RHOBTB2: variants seen among roughly 807,000 people sequenced by gnomAD.
RHOBTB2 encodes the protein rho-related BTB domain-containing protein 2.
Under a neutral mutation model 66.5 loss-of-function variants are expected in RHOBTB2, and 39 were observed. The observed-to-expected ratio is 0.59, with a 90% CI of 0.45 to 0.77. The LOEUF is 0.77. Among genes scored for constraint, RHOBTB2 ranks in the 30% least tolerant of loss-of-function variants. RHOBTB2 has a pLI of 0.00. For missense variants in RHOBTB2, 755 were observed against 999.1 expected (o/e 0.76, Z 3.29); for synonymous variants, 390 against 395.0 (o/e 0.99, Z 0.15).
intron 1 of RHOBTB2, among the ~76,000 whole-genome samples, chr8:23,003,700 C>G (rs1258296345): frequency 2.6e-5 from 4 of 152,204 alleles, no homozygotes; most frequent in Non-Finnish European, 5.9e-5. Context: ...TGTAGCTGAG[C>G]ATGACACATG....
In RHOBTB2 at chr8:22,989,865, C is replaced by T. The variant is rs368156168; in HGVS notation, c.-136-2203C>T. On this transcript the variant is annotated intron_variant, in intron 1 of 11. Transcript: ENST00000519685. ...TCTCCCCAAGAGGCTCTGAGCCAGACGCCTGATGAGAACCCTCATCCTGCC... is the reference window on the plus strand; with the variant it reads ...TCTCCCCAAGAGGCTCTGAGCCAGATGCCTGATGAGAACCCTCATCCTGCC... 1.6e-3 allele frequency among the ~76,000 whole-genome samples: 249 copies of T among 152,316 alleles called. 1 individual carries two copies. The highest frequency in any genetic ancestry group is 5.5e-3 in the African/African-American group (229 of 41,556).
the RHOBTB2 span, among the ~76,000 whole-genome samples, chr8:22,964,966 A>AC: frequency 3.3e-5 from 5 of 151,836 alleles, no homozygotes; most frequent in African/African-American, 1.2e-4. Flanking sequence ...ACAGGCGCCC[A>AC]CCACCACGCC....
chr8:23,008,805 T>C (rs980180212), intron 6 of RHOBTB2, among the ~76,000 whole-genome samples: 3 of 152,090 alleles, frequency 2.0e-5, no homozygotes, highest in African/African-American at 7.2e-5. Context: ...GGATGCTGTC[T>C]CTAGTTGTCT....
chr8:22,976,263 A>G, the RHOBTB2 span, among the ~76,000 whole-genome samples: 2 of 152,202 alleles, frequency 1.3e-5, no homozygotes, highest in Non-Finnish European at 2.9e-5. Context: ...AAATTATGAG[A>G]CCACCTCAGG....
chr8:22,999,483 T>C, upstream of RHOBTB2: 1 of 936,932 alleles, frequency 1.1e-6, no homozygotes, highest in East Asian at 1.2e-4. Context: ...CCAATCCCCT[T>C]CTTCCCCCGC....
the RHOBTB2 span, among the ~76,000 whole-genome samples, chr8:22,960,331 C>G: frequency 6.7e-6 from 1 of 148,884 alleles, no homozygotes; most frequent in Non-Finnish European, 1.5e-5. Flanking sequence ...CCTCTCCTCT[C>G]CTTTCCTGAC....
At chr8:22,955,399 G>A in the RHOBTB2 span, among the ~76,000 whole-genome samples, 26 of 152,062 alleles carry the variant, frequency 1.7e-4, no homozygotes, top group African/African-American at 4.8e-4. Flanking sequence ...GAGGTTTACC[G>A]AATGCCAAGT....
upstream of RHOBTB2, among the ~76,000 whole-genome samples, chr8:22,997,521 T>A (rs1408287106): frequency 1.3e-5 from 2 of 152,116 alleles, no homozygotes; most frequent in Non-Finnish European, 2.9e-5. Flanking sequence ...TCCACCCCAA[T>A]CAACACTACA....
At chr8:22,973,268 G>A in the RHOBTB2 span, among the ~76,000 whole-genome samples, 1 of 152,036 alleles carries the variant, frequency 6.6e-6, no homozygotes, top group Non-Finnish European at 1.5e-5. Flanking sequence ...TCACTCCCTT[G>A]CCCAAGCTGG....
chr8:23,017,162 G>A lies in RHOBTB2; in HGVS notation c.1967-90G>A. On this transcript the variant is annotated intron_variant, in intron 9 of 9. Coordinates refer to ENST00000251822, the MANE Select transcript of RHOBTB2 (RefSeq NM_015178.3). This position sits in a 1 kb window ranked among gnomAD's most constrained non-coding sequence, Gnocchi z 5.3. ...CTGGGGGCTGGGCTGGAGGCCTGCT[G>A]CAGGCCTTGTGGTGGGGTAGGGCTG... 6.5e-7 allele frequency: 1 copy of A among 1,538,606 alleles called. No individual in the cohort carries two copies. Among genetic ancestry groups the A allele is most frequent in the Non-Finnish European group, 8.9e-7 (1 of 1,127,122 alleles).
chr8:22,977,889 G>A, the RHOBTB2 span: 1 of 152,126 alleles, frequency 6.6e-6, no homozygotes, highest in South Asian at 2.1e-4. Flanking sequence ...CAGGCATGGT[G>A]GCTCAGGCAT....
chr8:23,002,232 G>A (rs1221431668), intron 1 of RHOBTB2, among the ~76,000 whole-genome samples: 1 of 152,210 alleles, frequency 6.6e-6, no homozygotes, highest in Non-Finnish European at 1.5e-5. Context: ...GATTATATCT[G>A]TTTTGGTATT....
At chr8:22,985,913 A>T (rs73218800), upstream of RHOBTB2, among the ~76,000 whole-genome samples, 420 of 152,282 alleles carry the variant, frequency 2.8e-3, no homozygotes, top group Non-Finnish European at 4.9e-3. Flanking sequence ...GAGTCAGCCC[A>T]GCAGGCGGCA....
the RHOBTB2 span, among the ~76,000 whole-genome samples, chr8:22,955,366 C>T: frequency 6.6e-6 from 1 of 152,098 alleles, no homozygotes; most frequent in South Asian, 2.1e-4. Flanking sequence ...TAAAAGGAAC[C>T]TACTGGGACA....
chr8:23,002,644 C>T (rs559121507), intron 1 of RHOBTB2, among the ~76,000 whole-genome samples: 2 of 152,294 alleles, frequency 1.3e-5, no homozygotes, highest in South Asian at 4.1e-4. Context: ...GAGCCGAGAT[C>T]ATGCCACTGC....
intron 6 of RHOBTB2, 118 bp from the exon 7 acceptor site, chr8:23,010,420 G>A: frequency 8.5e-7 from 1 of 1,175,136 alleles, no homozygotes; most frequent in Non-Finnish European, 1.2e-6. Flanking sequence ...GCACAGGGAA[G>A]GCTGCCCGTC....
At chr8:22,975,307 T>A in the RHOBTB2 span, among the ~76,000 whole-genome samples, 3 of 152,152 alleles carry the variant, frequency 2.0e-5, no homozygotes, top group Non-Finnish European at 2.9e-5. Context: ...GGGGAGATCC[T>A]GAAGTTGCAT....
chr8:23,010,387 T>A (rs1811104842), intron 6 of RHOBTB2, 151 bp from the exon 7 acceptor site: 1 of 835,200 alleles, frequency 1.2e-6, no homozygotes, highest in Admixed American at 2.9e-5. Context: ...GTTCTCAGGG[T>A]CTTCTCAGCA....
the RHOBTB2 span, among the ~76,000 whole-genome samples, chr8:22,970,603 TAA>T: frequency 3.1e-4 from 44 of 143,856 alleles, no homozygotes; most frequent in East Asian, 8.1e-4. Flanking sequence ...ACTCTGTCCC[TAA>T]AAAAAAAAAA....
Sources: gnomAD v4.1 joint callset for allele counts (sites outside exome capture counted in the v4.1 genomes callset) on GRCh38, gnomAD v4.1.1 for gene constraint, Gnocchi (gnomAD v3.1) non-coding constraint, MANE v1.5 for transcripts, NCBI Gene and HGNC (gene_info 2026-07-23, HGNC 2026-07-21) for gene names.